The following SF3A3 variants were observed in gnomAD, a reference collection of about 807,000 sequenced individuals.
SF3A3 encodes the protein SAP 61.
SF3A3 carries 9 observed loss-of-function variants against 85.8 expected under a neutral mutation model. The observed-to-expected ratio is 0.10, with a 90% CI of 0.06 to 0.18. SF3A3 has a LOEUF of 0.18. Ranked by LOEUF, SF3A3 falls within the 10% of genes least tolerant of loss-of-function variation. The pLI is 1.00. For missense variants in SF3A3, 306 were observed against 593.3 expected (o/e 0.52, Z 5.03); for synonymous variants, 195 against 204.4 (o/e 0.95, Z 0.39).
chr1:37,977,125 A>C (rs905538147), intron 11 of SF3A3, among the ~76,000 whole-genome samples, 172 bp from the exon 12 acceptor site: 1 of 152,224 alleles, frequency 6.6e-6, no homozygotes, highest in African/African-American at 2.4e-5. Flanking sequence ...ACAAATACTG[A>C]GGGTATTTCT....
intron 4 of SF3A3, among the ~76,000 whole-genome samples, chr1:37,986,737 G>A (rs542692115): frequency 3.4e-5 from 5 of 148,888 alleles, no homozygotes; most frequent in African/African-American, 9.8e-5. Context: ...GCATGAACTC[G>A]GGAGGTGGAG....
intron 11 of SF3A3, 44 bp from the exon 12 acceptor site, chr1:37,976,997 C>T (rs368358662): frequency 2.1e-6 from 3 of 1,407,172 alleles, no homozygotes; most frequent in Non-Finnish European, 3.0e-6. Context: ...ATTCTCTCAT[C>T]CATTGTTTTG....
chr1:37,978,957 C>T (rs1167690776), intron 10 of SF3A3, 31 bp downstream of exon 10: 30 of 1,592,430 alleles, frequency 1.9e-5, no homozygotes, highest in South Asian at 5.5e-5. Context: ...CACAGTAAAT[C>T]GATAGTTTTG....
chr1:37,986,215 T>C (rs1646455792), intron 4 of SF3A3, among the ~76,000 whole-genome samples: 1 of 152,150 alleles, frequency 6.6e-6, no homozygotes, highest in Non-Finnish European at 1.5e-5. Context: ...CCCAAAGTGC[T>C]GGGATTACAG....
At chr1:37,976,586 C>T (rs1307744313) in intron 12 of SF3A3, among the ~76,000 whole-genome samples, 2 of 152,076 alleles carry the variant, frequency 1.3e-5, no homozygotes, top group Non-Finnish European at 2.9e-5. Context: ...TGGGCTACTC[C>T]TGAGTATTTT....
chr1:37,989,991 T>G lies in SF3A3; in HGVS notation c.-26A>C, dbSNP rs1646485112. 6.4e-7 allele frequency: 1 copy of G among 1,563,242 alleles called. No homozygotes were observed. The highest frequency in any genetic ancestry group is 1.7e-5 in the Admixed American group (1 of 59,912). ...CTTCCCTTAGTCGCGGCTTCTCAAT[T>G]CAGACCACCAACACGGCCGGAAGCA... On this transcript the variant is annotated 5_prime_UTR_variant, in exon 1 of 17. Coordinates refer to ENST00000373019, the MANE Select transcript of SF3A3 (RefSeq NM_006802.4).
chr1:37,983,941 T>TA (rs148810014), intron 6 of SF3A3, among the ~76,000 whole-genome samples: 173 of 147,134 alleles, frequency 1.2e-3, no homozygotes, highest in South Asian at 6.7e-3. Flanking sequence ...CATCTCAAAA[T>TA]AAAAAAAAAA....
chr1:37,963,205 G>C (rs892957537), intron 15 of SF3A3, among the ~76,000 whole-genome samples: 1 of 152,070 alleles, frequency 6.6e-6, no homozygotes, highest in African/African-American at 2.4e-5. Context: ...AGTTAATCCA[G>C]GCCAGGAATG....
intron 12 of SF3A3, among the ~76,000 whole-genome samples, chr1:37,971,296 A>G (rs1443035888): frequency 6.6e-6 from 1 of 152,220 alleles, no homozygotes; most frequent in African/African-American, 2.4e-5. Context: ...CCCTCCCAAG[A>G]CTAAACCAGG....
chr1:37,973,419 G>A (rs1020052641), intron 12 of SF3A3, among the ~76,000 whole-genome samples: 14 of 152,100 alleles, frequency 9.2e-5, no homozygotes, highest in African/African-American at 3.4e-4. Context: ...GCAACCTACA[G>A]AATGGGAGAA....
At chr1:37,963,739 G>C (rs1220697425) in intron 15 of SF3A3, among the ~76,000 whole-genome samples, 1 of 150,960 alleles carries the variant, frequency 6.6e-6, no homozygotes, top group African/African-American at 2.4e-5. Context: ...TGTATTTTTA[G>C]TAGAGACGGG....
chr1:37,964,065 G>C (rs1266123984), intron 15 of SF3A3, among the ~76,000 whole-genome samples: 1 of 151,862 alleles, frequency 6.6e-6, no homozygotes, highest in African/African-American at 2.4e-5. Flanking sequence ...TGTAGTCCCA[G>C]CTACTTGGGA....
intron 15 of SF3A3, among the ~76,000 whole-genome samples, chr1:37,966,321 C>G (rs1271504766): frequency 2.0e-5 from 3 of 152,226 alleles, no homozygotes; most frequent in Admixed American, 2.0e-4. Context: ...AAACAGGAAG[C>G]CTGGCGGTGG....
At chr1:37,959,601 AAG>A (rs1379199964) in intron 16 of SF3A3, among the ~76,000 whole-genome samples, 2 of 147,368 alleles carry the variant, frequency 1.4e-5, no homozygotes, top group Non-Finnish European at 3.0e-5. Context: ...TTTTTTGAGA[AAG>A]AGTCTTGCTC....
At chr1:37,982,398 T>G (rs1412492736) in intron 6 of SF3A3, among the ~76,000 whole-genome samples, 1 of 152,022 alleles carries the variant, frequency 6.6e-6, no homozygotes, top group Non-Finnish European at 1.5e-5. Context: ...GAGACGGAGT[T>G]TGGCTCTTGT....
At chr1:37,987,922 C>A (rs1646467336) in intron 2 of SF3A3, 86 bp from the exon 3 acceptor site, 1 of 1,033,938 alleles carries the variant, frequency 9.7e-7, no homozygotes, top group Admixed American at 1.7e-5. Context: ...CCAGTCAAAG[C>A]CCAGGGCAAC....
intron 6 of SF3A3, among the ~76,000 whole-genome samples, chr1:37,983,449 G>A (rs1051820092): frequency 1.3e-5 from 2 of 150,622 alleles, no homozygotes; most frequent in African/African-American, 4.9e-5. Context: ...GCTGGGCATG[G>A]TGGCACACGC....
chr1:37,962,860 T>C (rs1047761246), intron 15 of SF3A3, among the ~76,000 whole-genome samples: 37 of 148,392 alleles, frequency 2.5e-4, no homozygotes, highest in African/African-American at 6.0e-4. Flanking sequence ...CTGAGGTGGG[T>C]GGATTGCCTG....
rs371317065 is a variant in SF3A3, at chr1:37,983,586, C to CAAAAAAA, written c.468+576_468+582dup. Reference sequence around the variant, plus strand: ...TGGGTGACAAAGTGAGACCCTGTCTCAAAAAAAAAAAAAAAAAAAAAAGAT... The same window carrying CAAAAAAA: ...TGGGTGACAAAGTGAGACCCTGTCTCAAAAAAAAAAAAAAAAAAAAAAAAAAAAAGAT... On this transcript the variant is annotated intron_variant, in intron 6 of 16. Coordinates refer to ENST00000373019, the MANE Select transcript of SF3A3 (RefSeq NM_006802.4). Among the ~76,000 whole-genome samples, 40 of 38,470 alleles carry CAAAAAAA rather than the reference C, an allele frequency of 1.0e-3. 10 individuals are homozygous for CAAAAAAA. Among genetic ancestry groups the CAAAAAAA allele is most frequent in the African/African-American group, 4.5e-3 (26 of 5,830 alleles). 25.2% of individuals were successfully genotyped at this position (38,470 alleles called of 152,430 possible). A position where few individuals can be genotyped will look rare whatever the true frequency, so the allele number is the denominator to read the frequency against.
Sources: gnomAD v4.1 joint callset for allele counts (sites outside exome capture counted in the v4.1 genomes callset) on GRCh38, gnomAD v4.1.1 for gene constraint, MANE v1.5 for transcripts, NCBI Gene and HGNC (gene_info 2026-07-23, HGNC 2026-07-21) for gene names.